The following PPP1R12A variants were observed in gnomAD, a reference collection of about 807,000 sequenced individuals.
PPP1R12A encodes myosin binding subunit.
Under a neutral mutation model 139.6 loss-of-function variants are expected in PPP1R12A, and 19 were observed. That is an observed-to-expected ratio of 0.14 (90% CI 0.09 to 0.20). PPP1R12A has a LOEUF of 0.20. Among genes scored for constraint, PPP1R12A ranks in the 10% least tolerant of loss-of-function variants. The probability of loss-of-function intolerance (pLI) is 1.00; values close to 1 mark genes in which losing one functional copy is unlikely to be tolerated. For synonymous variants in PPP1R12A, 427 were observed against 420.6 expected (o/e 1.02, Z -0.19); for missense variants, 925 against 1,211.5 (o/e 0.76, Z 3.51).
intron 1 of PPP1R12A, 21 bp downstream of exon 1, chr12:79,934,674 C>CT: frequency 1.3e-6 from 2 of 1,505,178 alleles, no homozygotes; most frequent in Non-Finnish European, 1.8e-6. Flanking sequence ...GTCAGGAGAG[C>CT]CGGCGGCGGG....
At chr12:79,815,252 A>G (rs184756222) in intron 9 of PPP1R12A, among the ~76,000 whole-genome samples, 2 of 152,276 alleles carry the variant, frequency 1.3e-5, no homozygotes, top group African/African-American at 4.8e-5. Context: ...AAAGATAGAG[A>G]GCCAGTGCTG....
At chr12:79,814,338 G>A (rs1010703474) in intron 9 of PPP1R12A, among the ~76,000 whole-genome samples, 1 of 151,488 alleles carries the variant, frequency 6.6e-6, no homozygotes, top group African/African-American at 2.4e-5. Flanking sequence ...TTAGCCAGGT[G>A]TGGTGGTGGA....
At chr12:79,871,092 T>C (rs1241654747) in intron 2 of PPP1R12A, among the ~76,000 whole-genome samples, 2 of 152,194 alleles carry the variant, frequency 1.3e-5, no homozygotes, top group Non-Finnish European at 2.9e-5. Flanking sequence ...AAGAATAAAG[T>C]CCATTTTTGG....
At chr12:79,863,033 G>C (rs1440267447) in intron 2 of PPP1R12A, among the ~76,000 whole-genome samples, 1 of 152,114 alleles carries the variant, frequency 6.6e-6, no homozygotes. Flanking sequence ...CACCAAAGTT[G>C]AAATGAAGGA....
At chr12:79,838,921 T>C (rs999443103) in intron 3 of PPP1R12A, among the ~76,000 whole-genome samples, 9 of 152,160 alleles carry the variant, frequency 5.9e-5, no homozygotes, top group African/African-American at 2.2e-4. Context: ...AGCGCAGCCA[T>C]GAGAAGAGGG....
chr12:79,777,961 T>C (rs1869939866), intron 24 of PPP1R12A, among the ~76,000 whole-genome samples: 1 of 152,166 alleles, frequency 6.6e-6, no homozygotes, highest in Admixed American at 6.5e-5. Context: ...ATACTTACTA[T>C]GCACTGGTTC....
chr12:79,862,312 G>C (rs921071499), intron 2 of PPP1R12A, among the ~76,000 whole-genome samples: 1 of 152,118 alleles, frequency 6.6e-6, no homozygotes, highest in Non-Finnish European at 1.5e-5. Flanking sequence ...CCATCTGTAG[G>C]TCACCAACGT....
At position 79,845,323 on chromosome 12, in the gene PPP1R12A, G is replaced by T; in HGVS notation, c.466C>A (p.Gln156Lys). Residue 156 changes from glutamine to lysine, a missense_variant, in exon 3 of 25, where the codon CAA becomes AAA. Physicochemically the swap from Gln to Lys is moderately conservative, Grantham distance 53. Around this residue, in one of 4 missense-constraint regions of PPP1R12A, gnomAD observed 199 missense variants for 352.4 expected, o/e 0.56. Transcript: ENST00000450142. Reference protein sequence around the residue: ...AEEEAMEELLQNEVNRQGVDI... With the variant: ...AEEEAMEELLKNEVNRQGVDI... Reference sequence around the variant, plus strand: ...TTACCTTGCCGATTAACTTCATTTTGAAGTAGCTCTTCCATTGCCTCCTCC... The same window carrying T: ...TTACCTTGCCGATTAACTTCATTTTTAAGTAGCTCTTCCATTGCCTCCTCC... The T allele has an allele frequency of 6.2e-7, 1 of 1,611,216 alleles. No homozygotes were observed. The highest frequency in any genetic ancestry group is 1.1e-5 in the South Asian group (1 of 90,910).
At chr12:79,865,505 A>T (rs1222785521) in intron 2 of PPP1R12A, among the ~76,000 whole-genome samples, 1 of 152,202 alleles carries the variant, frequency 6.6e-6, no homozygotes, top group Non-Finnish European at 1.5e-5. Flanking sequence ...AACGTATTCA[A>T]ATAGGAAGAG....
At chr12:79,838,865 T>C (rs1878386032) in intron 3 of PPP1R12A, among the ~76,000 whole-genome samples, 1 of 152,174 alleles carries the variant, frequency 6.6e-6, no homozygotes, top group African/African-American at 2.4e-5. Context: ...GGAAGGGAAA[T>C]GTGAGGTCAG....
At chr12:79,876,019 A>C (rs1358121998) in intron 1 of PPP1R12A, among the ~76,000 whole-genome samples, 1 of 152,206 alleles carries the variant, frequency 6.6e-6, no homozygotes, top group African/African-American at 2.4e-5. Context: ...AACCTAAGAA[A>C]GAGCAGTTTG....
intron 1 of PPP1R12A, among the ~76,000 whole-genome samples, chr12:79,876,148 G>A (rs553682879): frequency 6.6e-6 from 1 of 152,022 alleles, no homozygotes; most frequent in African/African-American, 2.4e-5. Context: ...TTTTGGTATT[G>A]CCTTTCTTGG....
At chr12:79,889,161 A>G (rs906662247) in intron 1 of PPP1R12A, among the ~76,000 whole-genome samples, 5 of 152,238 alleles carry the variant, frequency 3.3e-5, no homozygotes, top group African/African-American at 1.2e-4. Flanking sequence ...CCAATGTGAT[A>G]TATTTTGTGT....
intron 14 of PPP1R12A, among the ~76,000 whole-genome samples, chr12:79,803,860 A>G (rs540820156): frequency 4.6e-5 from 7 of 152,244 alleles, no homozygotes; most frequent in Admixed American, 3.9e-4. Context: ...AAAACTAATT[A>G]GGACTAATTC....
rs114136968 is a variant in PPP1R12A at position 79,883,537 on chromosome 12, C to T, written c.238-10599G>A. 7.9e-3 allele frequency among the ~76,000 whole-genome samples: 1,205 copies of T among 152,134 alleles called. 15 individuals carry two copies. Among genetic ancestry groups the T allele is most frequent in the African/African-American group, 0.027 (1,105 of 41,510 alleles). On this transcript the variant is annotated intron_variant, in intron 1 of 24. Coordinates refer to ENST00000450142, the MANE Select transcript of PPP1R12A (RefSeq NM_002480.3). ...AAGACATTCATGAAGATAAACACCA[C>T]AGATTCAAGCAGCAGACTGGGAAAA...
chr12:79,817,505 G>C lies in PPP1R12A; in HGVS notation c.1128C>G (p.Pro376=), dbSNP rs765036530. 29 of 1,590,200 alleles carry C rather than the reference G, an allele frequency of 1.8e-5. No homozygotes were observed. The South Asian group carries it at 3.3e-4, about 18-fold the overall frequency. Residue 376 remains proline (P), a synonymous_variant, in exon 9 of 25, where the codon CCC becomes CCG. Coordinates refer to ENST00000450142, the MANE Select transcript of PPP1R12A (RefSeq NM_002480.3). ...TGTTGGCATTAGTTACAGAAGCCAG[G>C]GGTTTTGTCTTATCTATTAAAGACA... is the stretch of plus-strand genomic sequence containing the variant. ...ESEAETDKTK[P]LASVTNANTS... is the part of the protein sequence containing the mutation.
intron 1 of PPP1R12A, among the ~76,000 whole-genome samples, chr12:79,919,371 A>G (rs1160563731): frequency 6.6e-6 from 1 of 151,784 alleles, no homozygotes; most frequent in Non-Finnish European, 1.5e-5. Flanking sequence ...CCTGACCAAC[A>G]TGGTGAAACC....
intron 19 of PPP1R12A, among the ~76,000 whole-genome samples, chr12:79,793,205 T>C (rs575549906): frequency 1.2e-4 from 19 of 152,288 alleles, no homozygotes; most frequent in South Asian, 6.2e-4. Flanking sequence ...TTTAGCTTTC[T>C]ACACAGCCAA....
rs1035092057 is a variant in PPP1R12A, at chr12:79,774,277, C to T, written c.*1652G>A. 2 of 152,392 alleles carry T rather than the reference C, an allele frequency of 1.3e-5. No homozygotes were observed. The highest frequency in any genetic ancestry group is 4.8e-5 in the African/African-American group (2 of 41,428). The allele number at this position is 152,392 out of a possible 1,614,324, so 9.4% of individuals were successfully genotyped here. A position where few individuals can be genotyped will look rare whatever the true frequency, so the allele number is the denominator to read the frequency against. On this transcript the variant is annotated 3_prime_UTR_variant, in exon 25 of 25. Coordinates refer to ENST00000450142, the MANE Select transcript of PPP1R12A (RefSeq NM_002480.3). ...CCTGAGCTTGGTAGTAAGAGCATAACCTTATATCTTCATAAAACCAATCGA... is the reference window on the plus strand; with the variant it reads ...CCTGAGCTTGGTAGTAAGAGCATAATCTTATATCTTCATAAAACCAATCGA...
Sources: allele counts gnomAD v4.1 joint callset (sites outside exome capture counted in the v4.1 genomes callset), GRCh38; gene constraint gnomAD v4.1.1; regional missense constraint gnomAD v4.1.1; transcripts MANE v1.5; gene names NCBI Gene and HGNC (gene_info 2026-07-23, HGNC 2026-07-21).